The following GPC6 variants were observed in gnomAD, a reference collection of about 807,000 sequenced individuals.
The protein encoded by GPC6 is glypican-6.
Under a neutral mutation model 55.2 loss-of-function variants are expected in GPC6, and 14 were observed. The observed-to-expected ratio is 0.25, with a 90% CI of 0.17 to 0.40. GPC6 has a LOEUF of 0.40. GPC6 is among the 10% of genes least tolerant of loss of function. The pLI is 1.00. For synonymous variants in GPC6, 278 were observed against 259.6 expected (o/e 1.07, Z -0.68); for missense variants, 641 against 708.5 (o/e 0.90, Z 1.08).
intron 2 of GPC6, among the ~76,000 whole-genome samples, chr13:93,686,738 A>G (rs969521330): frequency 2.0e-5 from 3 of 152,120 alleles, no homozygotes; most frequent in African/African-American, 7.2e-5. Flanking sequence ...CTTGCCTTCT[A>G]CATTTTCTTT....
At chr13:93,920,000 C>G (rs1877488463) in intron 3 of GPC6, among the ~76,000 whole-genome samples, 1 of 152,164 alleles carries the variant, frequency 6.6e-6, no homozygotes, top group Non-Finnish European at 1.5e-5. Context: ...TCCCTCATCT[C>G]TCTCTACAGA....
rs550927574 is a variant in GPC6, at chr13:93,566,273, T to C, written c.319+20852T>C. Among the ~76,000 whole-genome samples, 18 of 152,368 alleles carry C rather than the reference T, an allele frequency of 1.2e-4. 1 individual carries two copies. Among genetic ancestry groups the C allele is most frequent in the Admixed American group, 1.0e-3 (16 of 15,306 alleles). On this transcript the variant is annotated intron_variant, in intron 2 of 8. Coordinates refer to ENST00000377047, the MANE Select transcript of GPC6 (RefSeq NM_005708.5). ...CTTATGAAGATATTTTGATAGGTAC[T>C]ATTCTTTCAAAGTTAAGTCCTTAAA... is the stretch of plus-strand genomic sequence containing the variant.
intron 1 of GPC6, among the ~76,000 whole-genome samples, chr13:93,427,432 TC>T (rs1566351293): frequency 1.3e-5 from 2 of 151,474 alleles, no homozygotes; most frequent in Non-Finnish European, 2.9e-5. Context: ...AACAGAGCCC[TC>T]AGAAATAACG....
chr13:94,128,501 G>A (rs1219828316), intron 4 of GPC6, among the ~76,000 whole-genome samples: 1 of 152,138 alleles, frequency 6.6e-6, no homozygotes, highest in East Asian at 1.9e-4. Context: ...CTACACTTGT[G>A]TCCTCACTTT....
rs139245627 is a variant in GPC6, at chr13:93,837,799, G to A, written c.711+7254G>A. Among the ~76,000 whole-genome samples the A allele has an allele frequency of 1.1e-3, 173 of 152,296 alleles. 1 individual carries two copies. The highest frequency in any genetic ancestry group is 4.0e-3 in the African/African-American group (167 of 41,592). On this transcript the variant is annotated intron_variant, in intron 3 of 8. Coordinates refer to ENST00000377047, the MANE Select transcript of GPC6 (RefSeq NM_005708.5). ...CACAAGTAAACTTTCCTTGAACCAT[G>A]TGTTAAAGGTTGCATAGGTGTTGGG... is the stretch of plus-strand genomic sequence containing the variant.
chr13:94,161,915 A>G (rs1051634823), intron 4 of GPC6, among the ~76,000 whole-genome samples: 3 of 152,144 alleles, frequency 2.0e-5, no homozygotes, highest in Admixed American at 1.3e-4. Context: ...CATGTCTTAC[A>G]TGGCGGCAGG....
intron 1 of GPC6, among the ~76,000 whole-genome samples, chr13:93,246,036 CTT>C (rs1272057318): frequency 6.6e-6 from 1 of 152,142 alleles, no homozygotes; most frequent in Non-Finnish European, 1.5e-5. Context: ...ACCTATGACT[CTT>C]AATTAATTTT....
intron 4 of GPC6, among the ~76,000 whole-genome samples, chr13:94,260,906 G>T (rs1365845934): frequency 1.3e-5 from 2 of 151,902 alleles, no homozygotes; most frequent in Non-Finnish European, 2.9e-5. Flanking sequence ...TATGATTCAG[G>T]CTAGAACTAA....
intron 7 of GPC6, among the ~76,000 whole-genome samples, chr13:94,389,700 A>T (rs1257452002): frequency 6.6e-6 from 1 of 152,236 alleles, no homozygotes; most frequent in African/African-American, 2.4e-5. Flanking sequence ...AGCCAGTCTG[A>T]GAGCCAAGTC....
At chr13:93,219,340 C>A in the GPC6 span, among the ~76,000 whole-genome samples, 22 of 152,290 alleles carry the variant, frequency 1.4e-4, no homozygotes, top group African/African-American at 5.3e-4. Context: ...GATCCACCCG[C>A]CTTGGCCTCC....
At chr13:93,337,310 A>G (rs967298342) in intron 1 of GPC6, among the ~76,000 whole-genome samples, 9 of 152,306 alleles carry the variant, frequency 5.9e-5, no homozygotes, top group South Asian at 4.1e-4. Flanking sequence ...TGAGATTCCC[A>G]TATTTGGCTC....
intron 2 of GPC6, among the ~76,000 whole-genome samples, chr13:93,619,084 A>G (rs555321115): frequency 8.5e-5 from 13 of 152,302 alleles, no homozygotes; most frequent in Non-Finnish European, 1.8e-4. Context: ...TGGGAACACC[A>G]TCATATATAT....
chr13:93,732,206 G>T (rs756902709), intron 2 of GPC6, among the ~76,000 whole-genome samples: 1 of 152,060 alleles, frequency 6.6e-6, no homozygotes, highest in African/African-American at 2.4e-5. Context: ...TTTATGCTGG[G>T]TAGGAGGCCG....
At chr13:94,366,907 A>T (rs1161607877) in intron 6 of GPC6, among the ~76,000 whole-genome samples, 5 of 152,236 alleles carry the variant, frequency 3.3e-5, no homozygotes, top group Non-Finnish European at 5.9e-5. Flanking sequence ...GAGCTTGCAA[A>T]GGAACAAAGC....
chr13:93,685,828 G>C (rs185936620), intron 2 of GPC6, among the ~76,000 whole-genome samples: 1 of 151,880 alleles, frequency 6.6e-6, no homozygotes, highest in Non-Finnish European at 1.5e-5. Context: ...TTTTCCTTGC[G>C]TTCACAACAA....
At chr13:94,207,981 C>T (rs978933801) in intron 4 of GPC6, among the ~76,000 whole-genome samples, 2 of 152,200 alleles carry the variant, frequency 1.3e-5, no homozygotes, top group Non-Finnish European at 2.9e-5. Flanking sequence ...ACCAGCACCT[C>T]TGAGACCCAA....
At chr13:94,206,753 T>C (rs1889914041) in intron 4 of GPC6, among the ~76,000 whole-genome samples, 1 of 152,082 alleles carries the variant, frequency 6.6e-6, no homozygotes, top group South Asian at 2.1e-4. Flanking sequence ...CTCAGCAGGC[T>C]GTGGTGGGAG....
At chr13:93,748,168 T>G (rs970429943) in intron 2 of GPC6, among the ~76,000 whole-genome samples, 21 of 152,182 alleles carry the variant, frequency 1.4e-4, no homozygotes, top group African/African-American at 4.8e-4. Flanking sequence ...TACTATTCTT[T>G]TGTTCAAATT....
chr13:93,478,662 G>A (rs1879388911), intron 1 of GPC6, among the ~76,000 whole-genome samples: 1 of 152,134 alleles, frequency 6.6e-6, no homozygotes, highest in South Asian at 2.1e-4. Context: ...TGGGAGCAAT[G>A]TGATCATTGT....
Sources: allele counts gnomAD v4.1 joint callset (sites outside exome capture counted in the v4.1 genomes callset), GRCh38; gene constraint gnomAD v4.1.1; transcripts MANE v1.5; gene names NCBI Gene and HGNC (gene_info 2026-07-23, HGNC 2026-07-21).